Variants in EDAR observed in about 807,000 individuals in gnomAD.
EDAR encodes the protein ectodysplasin A receptor.
In EDAR, 38 loss-of-function variants were observed where a neutral mutation model predicts 51.3. That is an observed-to-expected ratio of 0.74 (90% CI 0.57 to 0.97). EDAR has a LOEUF of 0.97. Among genes scored for constraint, EDAR ranks in the 50% least tolerant of loss-of-function variants. The pLI is 0.00. For missense variants in EDAR, 528 were observed against 595.0 expected (o/e 0.89, Z 1.17); for synonymous variants, 227 against 242.1 (o/e 0.94, Z 0.58).
Position 108,910,829 on chromosome 2 carries a change from C to A in EDAR, c.677G>T (p.Gly226Val), listed in dbSNP as rs200137108. The A allele has an allele frequency of 6.2e-7, 1 of 1,613,890 alleles. No individual in the cohort carries two copies. Among genetic ancestry groups the A allele is most frequent in the Non-Finnish European group, 8.5e-7 (1 of 1,180,006 alleles). The part of the protein sequence containing the change: ...SAPACCTSHP[G>V]KSVEAQVSKD... The stretch of plus-strand genomic sequence containing the variant: ...GCTCACTTGGGCCTCCACGCTCTTC[C>A]CCGGGTGGCTGGTGCAACAGGCTGG... Residue 226 changes from glycine (G) to valine (V), a missense_variant, in exon 8 of 12, where the codon GGG (glycine) becomes GTG (valine). By Grantham distance (109) the Gly-to-Val change is moderately radical. Coordinates refer to ENST00000258443, the MANE Select transcript of EDAR (RefSeq NM_022336.4).
At chr2:108,944,756 G>C (rs1697682110) in intron 1 of EDAR, among the ~76,000 whole-genome samples, 1 of 152,178 alleles carries the variant, frequency 6.6e-6, no homozygotes, top group African/African-American at 2.4e-5. Flanking sequence ...CTGTGGCACA[G>C]AGCCGGTCCC....
intron 1 of EDAR, among the ~76,000 whole-genome samples, chr2:108,963,528 G>A (rs927539363): frequency 2.0e-5 from 3 of 152,134 alleles, no homozygotes; most frequent in African/African-American, 2.4e-5. Context: ...CAATGGTTTC[G>A]TCTGGTAAAA....
At chr2:108,916,818 A>C (rs936323649) in intron 5 of EDAR, among the ~76,000 whole-genome samples, 3 of 152,204 alleles carry the variant, frequency 2.0e-5, no homozygotes, top group African/African-American at 7.2e-5. Flanking sequence ...AGACCCCACA[A>C]GCCCCCTCAC....
chr2:108,966,341 A>C (rs1027695336), intron 1 of EDAR, among the ~76,000 whole-genome samples: 7 of 152,256 alleles, frequency 4.6e-5, no homozygotes, highest in Admixed American at 2.6e-4. Flanking sequence ...GTTTAGATTT[A>C]CTATGCTGAG....
At chr2:108,957,234 T>TG (rs1697943033) in intron 1 of EDAR, among the ~76,000 whole-genome samples, 1 of 152,226 alleles carries the variant, frequency 6.6e-6, no homozygotes, top group Non-Finnish European at 1.5e-5. Flanking sequence ...AAATTTCTGG[T>TG]GGGCTCCCAG....
chr2:108,904,415 TAATC>T (rs1299166021), intron 11 of EDAR, among the ~76,000 whole-genome samples: 11 of 152,234 alleles, frequency 7.2e-5, no homozygotes, highest in African/African-American at 2.7e-4. Flanking sequence ...TTTTTTAAAA[TAATC>T]AACCATGCAA....
At chr2:108,918,240 G>A (rs1378105504) in intron 5 of EDAR, among the ~76,000 whole-genome samples, 4 of 152,174 alleles carry the variant, frequency 2.6e-5, no homozygotes, top group South Asian at 4.1e-4. Context: ...GATAGGCACC[G>A]GCACCCCCTG....
At position 108,910,798 on chromosome 2, in the gene EDAR, G is replaced by A. The variant is rs751689993; in HGVS notation, c.708C>T (p.Asp236=). The change falls in exon 8 of 12, where the codon GAC becomes GAT. Residue 236 remains aspartate, a synonymous_variant. Transcript: ENST00000258443. ...GACCTGGGGCCTCTTTCTTCTCCTC[G>A]TCCTTGCTCACTTGGGCCTCCACGC... ...GKSVEAQVSK[D]EEKKEAPDNV... 11 of 1,613,498 alleles carry A rather than the reference G, an allele frequency of 6.8e-6. No homozygotes were observed. Among genetic ancestry groups the A allele is most frequent in the African/African-American group, 4.0e-5 (3 of 74,866 alleles).
At position 108,910,511 on chromosome 2, in the gene EDAR, T is replaced by C; in HGVS notation, c.752A>G (p.Glu251Gly). ...TGTCAGCTTCTCAAATTCATCCTTC[T>C]CGGAGAACATCACCACGTTGTCTGC... ...EAPDNVVMFS[E>G]KDEFEKLTAT... Residue 251 changes from glutamate (E) to glycine (G), a missense_variant, in exon 9 of 12, where the codon GAG (glutamate) becomes GGG (glycine). Physicochemically the swap from Glu to Gly is moderately conservative, Grantham distance 98. Coordinates refer to ENST00000258443, the MANE Select transcript of EDAR (RefSeq NM_022336.4). 6.2e-7 allele frequency: 1 copy of C among 1,613,760 alleles called. No homozygotes were observed. The highest frequency in any genetic ancestry group is 8.5e-7 in the Non-Finnish European group (1 of 1,179,818).
Position 108,904,600 on chromosome 2 carries a change from G to T in EDAR, c.1024+1708C>A, listed in dbSNP as rs540231254. ...CAAGTGAATGGTTAAACCAACTCTG[G>T]TCCATTTATGCCACAGACTACTACT... On this transcript the variant is annotated intron_variant, in intron 11 of 11. Transcript: ENST00000258443. Among the ~76,000 whole-genome samples the T allele has an allele frequency of 6.6e-5, 10 of 152,254 alleles. No homozygotes were observed. In the South Asian group the frequency reaches 1.7e-3, roughly 25 times the overall value.
intron 1 of EDAR, among the ~76,000 whole-genome samples, chr2:108,967,600 G>T (rs1036179439): frequency 6.6e-6 from 1 of 152,162 alleles, no homozygotes; most frequent in African/African-American, 2.4e-5. Context: ...ACTTGAAAGA[G>T]CAGGGGGCTG....
chr2:108,964,155 T>C (rs928801533), intron 1 of EDAR, among the ~76,000 whole-genome samples: 1 of 152,196 alleles, frequency 6.6e-6, no homozygotes, highest in African/African-American at 2.4e-5. Context: ...AAGATAGTCT[T>C]TCAGATCCCT....
At chr2:108,924,484 C>T (rs1212476368) in intron 4 of EDAR, among the ~76,000 whole-genome samples, 1 of 152,244 alleles carries the variant, frequency 6.6e-6, no homozygotes, top group East Asian at 1.9e-4. Flanking sequence ...GCGGTGCCAA[C>T]ACTTTCCCTA....
chr2:108,931,891 T>C (rs1697373247), intron 1 of EDAR, among the ~76,000 whole-genome samples: 1 of 152,162 alleles, frequency 6.6e-6, no homozygotes, highest in Non-Finnish European at 1.5e-5. Flanking sequence ...TCTGGTTCAC[T>C]GTCCTCTTGC....
intron 6 of EDAR, 23 bp downstream of exon 6, chr2:108,912,655 C>T (rs370796598): frequency 1.8e-5 from 28 of 1,563,176 alleles, no homozygotes; most frequent in Admixed American, 9.4e-5. Context: ...TCCAGGTGAT[C>T]GATACCTGAG....
At chr2:108,909,565 C>A (rs1444785904) in intron 9 of EDAR, among the ~76,000 whole-genome samples, 2 of 152,114 alleles carry the variant, frequency 1.3e-5, no homozygotes, top group Non-Finnish European at 2.9e-5. Flanking sequence ...GGCACTGTTG[C>A]GGGGGTGTCC....
chr2:108,980,709 A>G (rs1158942148), intron 1 of EDAR, among the ~76,000 whole-genome samples: 1 of 152,152 alleles, frequency 6.6e-6, no homozygotes, highest in Admixed American at 6.5e-5. Flanking sequence ...CAAGACACAC[A>G]GACATCTTGG....
chr2:108,987,183 C>T (rs989905019), intron 1 of EDAR, among the ~76,000 whole-genome samples: 1 of 152,208 alleles, frequency 6.6e-6, no homozygotes, highest in African/African-American at 2.4e-5. Flanking sequence ...AAGCTGGGTT[C>T]CTGGGCATTT....
chr2:108,897,342 T>G, intron 11 of EDAR, 113 bp from the exon 12 acceptor site: 1 of 1,058,964 alleles, frequency 9.4e-7, no homozygotes, highest in Non-Finnish European at 1.4e-6. Flanking sequence ...TTTTTTAAAA[T>G]TATAAAACAT....
Sources: gnomAD v4.1 joint callset for allele counts (sites outside exome capture counted in the v4.1 genomes callset) on GRCh38, gnomAD v4.1.1 for gene constraint, MANE v1.5 for transcripts, NCBI Gene and HGNC (gene_info 2026-07-23, HGNC 2026-07-21) for gene names.